Variants in KANK1 observed in about 807,000 individuals in gnomAD.
KANK1 encodes the protein KN motif and ankyrin repeat domains 1, also known as KN motif and ankyrin repeat domain-containing protein 1.
A neutral mutation model predicts 106.2 loss-of-function variants in KANK1; 109 were observed. That is an observed-to-expected ratio of 1.03 (90% CI 0.88 to 1.20). The LOEUF is 1.20. KANK1 is among the 50% of genes most tolerant of loss of function. The pLI, the probability that KANK1 is intolerant of heterozygous loss-of-function variation, is 0.00. For synonymous variants in KANK1, 873 were observed against 652.2 expected, an observed-to-expected ratio of 1.34 and a Z score of -5.16; for missense variants, 2,399 against 1,710.7, an observed-to-expected ratio of 1.40 and a Z score of -7.10.
intron 3 of KANK1, among the ~76,000 whole-genome samples, chr9:483,981 C>T (rs1327901836): frequency 6.6e-6 from 1 of 152,194 alleles, no homozygotes; most frequent in Non-Finnish European, 1.5e-5. Context: ...ATAATAATTA[C>T]TACCAACAAA....
Position 667,732 on chromosome 9 carries a change from AG to A in KANK1, c.-83-9156del, listed in dbSNP as rs1393634344. 5.3e-5 allele frequency among the ~76,000 whole-genome samples: 5 copies of A among 93,868 alleles called. No homozygotes were observed. In the East Asian group the frequency reaches 2.1e-3, roughly 40 times the overall value. The allele number at this position is 93,868 out of a possible 152,430, so 61.6% of individuals were successfully genotyped here. ...TTCCATGTTTTTGTTTAATTTCCAAAGGTTTTTTTGTTTTGTTTTTTTTTTT... is the reference window on the plus strand; with the variant it reads ...TTCCATGTTTTTGTTTAATTTCCAAAGTTTTTTTGTTTTGTTTTTTTTTTT... On this transcript the variant is annotated intron_variant, in intron 1 of 11. Coordinates refer to ENST00000382297, the MANE Select transcript of KANK1 (RefSeq NM_015158.5).
rs556875969 is a variant in KANK1, at chr9:598,216, C to G, written c.-83-78674C>G. On this transcript the variant is annotated intron_variant, in intron 1 of 11. Transcript: ENST00000382297. ...TTTCTGGACTCTTTTTTCTATTGGT[C>G]CATATATTTATCCCTATACTAGTAC... Among the ~76,000 whole-genome samples the G allele has an allele frequency of 1.6e-4, 24 of 151,602 alleles. 1 individual carries two copies. Among genetic ancestry groups the G allele is most frequent in the Admixed American group, 2.6e-4 (4 of 15,268 alleles).
rs1213527108 is a variant in KANK1 at position 711,059 on chromosome 9, A to T, written c.293A>T (p.Asp98Val). The T allele has an allele frequency of 1.2e-6, 2 of 1,614,188 alleles. No individual in the cohort carries two copies. The highest frequency in any genetic ancestry group is 2.2e-5 in the South Asian group (2 of 91,084). Residue 98 changes from aspartate to valine, a missense_variant, in exon 3 of 12, where the codon GAT (aspartate) becomes GTT (valine). Transcript: ENST00000382297. Reference sequence around the variant, plus strand: ...GAATCCCTCTCATCCTCCAACAGTGATGACAACAAGCAGTGCCCCAACTTC... The same window carrying T: ...GAATCCCTCTCATCCTCCAACAGTGTTGACAACAAGCAGTGCCCCAACTTC... ...STESLSSSNS[D>V]DNKQCPNFLI... is the part of the protein sequence containing the mutation.
chr9:586,212 A>C (rs774426217), intron 1 of KANK1, among the ~76,000 whole-genome samples: 1 of 152,242 alleles, frequency 6.6e-6, no homozygotes, highest in African/African-American at 2.4e-5. Flanking sequence ...ACCAGGATTC[A>C]TGCCCAGTGA....
chr9:672,605 T>C (rs1005813187), intron 1 of KANK1, among the ~76,000 whole-genome samples: 1 of 152,238 alleles, frequency 6.6e-6, no homozygotes. Flanking sequence ...TTTGATAGTT[T>C]AGCAGTGCTA....
intron 1 of KANK1, among the ~76,000 whole-genome samples, chr9:618,613 T>C (rs1832432284): frequency 6.6e-6 from 1 of 152,198 alleles, no homozygotes; most frequent in South Asian, 2.1e-4. Flanking sequence ...AAAAAACATA[T>C]TCACTCCTAG....
In KANK1 at chr9:625,133, C is replaced by T. The variant is rs542428984; in HGVS notation, c.-83-51757C>T. On this transcript the variant is annotated intron_variant, in intron 1 of 11. Coordinates refer to ENST00000382297, the MANE Select transcript of KANK1 (RefSeq NM_015158.5). ...CTGGGCAAACCCACAGCCCGCAGAT[C>T]TCTTATTTGGCAGCGAATTCCTGCA... Among the ~76,000 whole-genome samples the T allele has an allele frequency of 2.6e-5, 4 of 152,302 alleles. No homozygotes were observed. In the South Asian group the frequency reaches 8.3e-4, roughly 32 times the overall value.
At chr9:594,093 G>A (rs1825645458) in intron 1 of KANK1, among the ~76,000 whole-genome samples, 1 of 151,830 alleles carries the variant, frequency 6.6e-6, no homozygotes, top group Non-Finnish European at 1.5e-5. Flanking sequence ...AAGTGATGGG[G>A]GCTGTGGACT....
chr9:615,957 A>C (rs972151734), intron 1 of KANK1, among the ~76,000 whole-genome samples: 1 of 152,152 alleles, frequency 6.6e-6, no homozygotes, highest in Non-Finnish European at 1.5e-5. Flanking sequence ...AGCTGTGTTG[A>C]TGCCATTTGC....
At chr9:522,137 T>C (rs940432825) in intron 1 of KANK1, among the ~76,000 whole-genome samples, 17 of 151,962 alleles carry the variant, frequency 1.1e-4, no homozygotes, top group African/African-American at 3.6e-4. Context: ...ACCAAATTTA[T>C]ATCCCACTGT....
chr9:610,145 T>G (rs948497763), intron 1 of KANK1, among the ~76,000 whole-genome samples: 1 of 152,226 alleles, frequency 6.6e-6, no homozygotes, highest in Non-Finnish European at 1.5e-5. Context: ...CAGGCCATAA[T>G]AAGTTACTTC....
chr9:484,044 T>G lies in KANK1; in HGVS notation c.-362+10771T>G, dbSNP rs369194640. Among the ~76,000 whole-genome samples, 151 of 152,304 alleles carry G rather than the reference T, an allele frequency of 9.9e-4. No individual in the cohort carries two copies. The Middle Eastern group carries it at 0.02, about 21-fold the overall frequency. On this transcript the variant is annotated intron_variant, in intron 3 of 15. Coordinates refer to the KANK1 transcript ENST00000382303. ...CCACATGCAGCAGGTAGGGTGCCAG[T>G]TTGCACCACGAGTAGTTCACACCTT...
At chr9:714,935 G>A (rs16923013) in intron 3 of KANK1, among the ~76,000 whole-genome samples, 1,686 of 152,280 alleles carry the variant, frequency 0.011, 28 homozygotes, top group African/African-American at 0.038. Flanking sequence ...ACCTGGGAAA[G>A]AGTGTGCATT....
intron 2 of KANK1, among the ~76,000 whole-genome samples, chr9:695,925 G>A (rs1351503765): frequency 2.0e-5 from 3 of 152,172 alleles, no homozygotes; most frequent in Non-Finnish European, 4.4e-5. Context: ...ATGCCTAGAT[G>A]TGGGGCTTTA....
At chr9:668,466 CTT>C (rs1226243736) in intron 1 of KANK1, among the ~76,000 whole-genome samples, 3 of 152,072 alleles carry the variant, frequency 2.0e-5, no homozygotes, top group African/African-American at 7.2e-5. Context: ...AATAATGTCT[CTT>C]TGTTAAATTT....
At chr9:499,304 T>C (rs1040472506) in intron 3 of KANK1, among the ~76,000 whole-genome samples, 1 of 152,168 alleles carries the variant, frequency 6.6e-6, no homozygotes, top group African/African-American at 2.4e-5. Flanking sequence ...ATAGCAGCAT[T>C]ATTAATAATA....
At chr9:608,025 A>ATTTTTTTTTT (rs200257324) in intron 1 of KANK1, among the ~76,000 whole-genome samples, 4 of 78,164 alleles carry the variant, frequency 5.1e-5, no homozygotes, top group Non-Finnish European at 1.1e-4. Flanking sequence ...TATTATTATT[A>ATTTTTTTTTT]TTATTATTAT....
chr9:610,345 G>T (rs890794397), intron 1 of KANK1, among the ~76,000 whole-genome samples: 1 of 152,072 alleles, frequency 6.6e-6, no homozygotes, highest in Non-Finnish European at 1.5e-5. Context: ...AGTGAACCAT[G>T]ATGAGACCTT....
At chr9:645,543 G>A (rs939859003) in intron 1 of KANK1, among the ~76,000 whole-genome samples, 3 of 144,634 alleles carry the variant, frequency 2.1e-5, no homozygotes, top group South Asian at 2.3e-4. Context: ...ATTATTTAAT[G>A]TATAAAATTA....
Sources: gnomAD v4.1 joint callset for allele counts (sites outside exome capture counted in the v4.1 genomes callset) on GRCh38, gnomAD v4.1.1 for gene constraint, MANE v1.5 for transcripts, NCBI Gene and HGNC (gene_info 2026-07-23, HGNC 2026-07-21) for gene names.